The following RGP1 variants were observed in gnomAD, a reference collection of about 807,000 sequenced individuals.
RGP1 encodes RAB6A-GEF complex partner protein 2.
A neutral mutation model predicts 44.5 loss-of-function variants in RGP1; 28 were observed. The observed-to-expected ratio is 0.63, with a 90% confidence interval of 0.47 to 0.86. The LOEUF (loss-of-function observed/expected upper bound fraction) is 0.86. Among genes scored for constraint, RGP1 ranks in the 40% least tolerant of loss-of-function variants. The pLI, the probability that RGP1 is intolerant of heterozygous loss-of-function variation, is 0.00. For missense variants in RGP1, 417 were observed against 490.7 expected (o/e 0.85, Z 1.42); for synonymous variants, 212 against 196.7 (o/e 1.08, Z -0.65).
chr9:35,753,912 T>C lies in RGP1; in HGVS notation c.*1038T>C. On this transcript the variant is annotated 3_prime_UTR_variant, in exon 9 of 9. Transcript: ENST00000378078. The surrounding 1 kb of genome is among the most constrained non-coding windows in gnomAD (Gnocchi z 4.2). ...GTTTCACAGCTGGAGGAAGCCTGGG[T>C]ATTTTGACACGGGATCATCTGTAAG... 1 of 1,558,042 alleles carries C rather than the reference T, an allele frequency of 6.4e-7. No homozygotes were observed. The highest frequency in any genetic ancestry group is 1.2e-5 in the South Asian group (1 of 82,562).
chr9:35,789,307 T>C, the RGP1 span, among the ~76,000 whole-genome samples: 1 of 150,174 alleles, frequency 6.7e-6, no homozygotes, highest in African/African-American at 2.5e-5. Context: ...CGTGAGCCAC[T>C]GCACCAGGCT....
the RGP1 span, among the ~76,000 whole-genome samples, chr9:35,773,806 G>T: frequency 2.6e-5 from 4 of 151,502 alleles, no homozygotes; most frequent in Non-Finnish European, 4.4e-5. Flanking sequence ...CCAGCCCCAG[G>T]TTTCTTTTTA....
In RGP1 at chr9:35,749,853, C is replaced by T; in HGVS notation, c.98C>T (p.Thr33Met). ...VVTVTNPLPP[T>M]ATSASSEALA... ...ACCGTCACCAACCCCCTTCCGCCCA[C>T]GGCCACTTCTGCATCCAGGTGGGGA... The change falls in exon 2 of 9, where the codon ACG (threonine) becomes ATG (methionine). Residue 33 changes from threonine (T) to methionine (M), a missense_variant. Transcript: ENST00000378078. The surrounding 1 kb of genome is among the most constrained non-coding windows in gnomAD (Gnocchi z 4.4). 6.2e-7 allele frequency: 1 copy of T among 1,612,636 alleles called. No homozygotes were observed. Among genetic ancestry groups the T allele is most frequent in the East Asian group, 2.2e-5 (1 of 44,856 alleles).
chr9:35,773,267 T>C, the RGP1 span, among the ~76,000 whole-genome samples: 1 of 152,030 alleles, frequency 6.6e-6, no homozygotes, highest in Non-Finnish European at 1.5e-5. Flanking sequence ...GGTGAATGCC[T>C]ATAATCCCAG....
chr9:35,762,266 G>A (rs543576450), downstream of RGP1, among the ~76,000 whole-genome samples: 1 of 152,310 alleles, frequency 6.6e-6, no homozygotes, highest in South Asian at 2.1e-4. Context: ...TGATGAAGGA[G>A]CAATTAGATT....
Position 35,756,953 on chromosome 9 carries a change from G to A in RGP1, c.*4079G>A, listed in dbSNP as rs907030310. On this transcript the variant is annotated 3_prime_UTR_variant, in exon 9 of 9. Coordinates refer to ENST00000378078, the MANE Select transcript of RGP1 (RefSeq NM_001080496.3). ...GGGGGGCGGTGCAGAGGTGTGGGTC[G>A]AGCCCGCATGCGTGCCTGCTGGGGA... 2.0e-5 allele frequency: 3 copies of A among 152,532 alleles called. No homozygotes were observed. The highest frequency in any genetic ancestry group is 7.2e-5 in the African/African-American group (3 of 41,434). 9.4% of individuals were successfully genotyped at this position (152,532 alleles called of 1,614,324 possible). A position where few individuals can be genotyped will look rare whatever the true frequency, so the allele number is the denominator to read the frequency against.
intron 8 of RGP1, 126 bp downstream of exon 8, chr9:35,752,271 G>T: frequency 2.1e-6 from 2 of 971,356 alleles, no homozygotes; most frequent in Non-Finnish European, 1.5e-6. Flanking sequence ...CCTCTGACCC[G>T]GAACAGTTTC....
At chr9:35,782,418 A>T in the RGP1 span, among the ~76,000 whole-genome samples, 2 of 152,046 alleles carry the variant, frequency 1.3e-5, no homozygotes, top group African/African-American at 4.8e-5. Flanking sequence ...TTAAATTGAA[A>T]TCTAACTTTA....
the RGP1 span, among the ~76,000 whole-genome samples, chr9:35,770,045 G>T: frequency 6.6e-6 from 1 of 152,158 alleles, no homozygotes; most frequent in Admixed American, 6.5e-5. Context: ...AGTGTGGGTT[G>T]GAGTGGATCA....
At chr9:35,766,946 T>C in the RGP1 span, among the ~76,000 whole-genome samples, 1 of 152,208 alleles carries the variant, frequency 6.6e-6, no homozygotes, top group Non-Finnish European at 1.5e-5. Context: ...GAAATTGTGT[T>C]TTTATTATAA....
chr9:35,777,191 A>C, the RGP1 span, among the ~76,000 whole-genome samples: 1 of 127,212 alleles, frequency 7.9e-6, no homozygotes, highest in African/African-American at 3.1e-5. Flanking sequence ...GTGCGGTGGC[A>C]TGATCTTGGC....
the RGP1 span, among the ~76,000 whole-genome samples, chr9:35,776,910 G>T: frequency 6.7e-6 from 1 of 150,282 alleles, no homozygotes; most frequent in Non-Finnish European, 1.5e-5. Flanking sequence ...CAGGAGAATC[G>T]CTTGAACCTG....
At chr9:35,752,461 A>G (rs59316484) in intron 8 of RGP1, among the ~76,000 whole-genome samples, 190 bp from the exon 9 acceptor site, 7,623 of 152,220 alleles carry the variant, frequency 0.05, 576 homozygotes, top group African/African-American at 0.17. Context: ...TAATACTGCT[A>G]TCTTCAGCTC....
Position 35,753,859 on chromosome 9 carries a change from C to G in RGP1, c.*985C>G, listed in dbSNP as rs901464757. 1 of 1,517,418 alleles carries G rather than the reference C, an allele frequency of 6.6e-7. No individual in the cohort carries two copies. The highest frequency in any genetic ancestry group is 9.1e-7 in the Non-Finnish European group (1 of 1,104,228). 94.0% of individuals were successfully genotyped at this position (1,517,418 alleles called of 1,614,324 possible). On this transcript the variant is annotated 3_prime_UTR_variant, in exon 9 of 9. Transcript: ENST00000378078. This position sits in a 1 kb window ranked among gnomAD's most constrained non-coding sequence, Gnocchi z 4.2. ...CTGGGGTGGAGACAGTAAGTACGCA[C>G]TATCCCCGTATTTAGTTTGTCTTTC... is the stretch of plus-strand genomic sequence containing the variant.
In RGP1 at chr9:35,749,729, C is replaced by T. The variant is rs749883866; in HGVS notation, c.-19-8C>T. ...TGCTGACCTCCGCCCCGCCTTGTTT[C>T]CTTCTAGATCTGATTCCGGAGCTGC... On this transcript the variant is annotated splice_polypyrimidine_tract_variant and splice_region_variant and intron_variant, in intron 1 of 8. Transcript: ENST00000378078. The surrounding 1 kb of genome is among the most constrained non-coding windows in gnomAD (Gnocchi z 4.4). 5 of 1,548,248 alleles carry T rather than the reference C, an allele frequency of 3.2e-6. No individual in the cohort carries two copies. In the South Asian group the frequency reaches 3.4e-5, roughly 10 times the overall value.
At position 35,753,299 on chromosome 9, in the gene RGP1, G is replaced by A. The variant is rs1054891660; in HGVS notation, c.*425G>A. 2.5e-6 allele frequency: 4 copies of A among 1,610,720 alleles called. No individual in the cohort carries two copies. Among genetic ancestry groups the A allele is most frequent in the African/African-American group, 2.7e-5 (2 of 74,922 alleles). ...CTGGGACCTGGGGAACCAAGGATAG[G>A]GGAAGGAGTCAGCACAGTGAAAGGC... On this transcript the variant is annotated 3_prime_UTR_variant, in exon 9 of 9. Transcript: ENST00000378078. The surrounding 1 kb of genome is among the most constrained non-coding windows in gnomAD (Gnocchi z 4.2).
At chr9:35,773,924 G>C in the RGP1 span, among the ~76,000 whole-genome samples, 1 of 152,084 alleles carries the variant, frequency 6.6e-6, no homozygotes, top group African/African-American at 2.4e-5. Context: ...TCCTGCCTTG[G>C]ACTCCCAGTG....
intron 8 of RGP1, 107 bp downstream of exon 8, chr9:35,752,252 C>T: frequency 9.0e-7 from 1 of 1,115,642 alleles, no homozygotes; most frequent in East Asian, 2.6e-5. Flanking sequence ...CAGACATACC[C>T]ACGTCTAGCC....
rs377707294 is a variant in RGP1, at chr9:35,749,295, C to T, written c.-133C>T. 3.9e-6 allele frequency: 2 copies of T among 515,574 alleles called. No individual in the cohort carries two copies. Among genetic ancestry groups the T allele is most frequent in the South Asian group, 1.4e-5 (1 of 69,542 alleles). 31.9% of individuals were successfully genotyped at this position (515,574 alleles called of 1,614,324 possible). ...GTGGGGGACCGAAGGGAAGTCCCGC[C>T]TCTACCGCCCAGCGGACGCCGCCGC... On this transcript the variant is annotated 5_prime_UTR_variant, in exon 1 of 9. Transcript: ENST00000378078. The surrounding 1 kb of genome is among the most constrained non-coding windows in gnomAD (Gnocchi z 4.4).
Sources: allele counts gnomAD v4.1 joint callset (sites outside exome capture counted in the v4.1 genomes callset), GRCh38; gene constraint gnomAD v4.1.1; non-coding constraint Gnocchi (gnomAD v3.1); transcripts MANE v1.5; gene names NCBI Gene and HGNC (gene_info 2026-07-23, HGNC 2026-07-21).